The following TNS1 variants were observed in gnomAD, a reference collection of about 807,000 sequenced individuals.
TNS1 encodes the protein tensin-1.
In TNS1, 62 loss-of-function variants were observed where a neutral mutation model predicts 168.6. That is an observed-to-expected ratio of 0.37 (90% confidence interval 0.30 to 0.45). The LOEUF is 0.45. Ranked by LOEUF, TNS1 falls within the 20% of genes least tolerant of loss-of-function variation. The pLI, the probability that TNS1 is intolerant of heterozygous loss-of-function variation, is 1.00. For missense variants in TNS1, 2,240 were observed against 2,339.4 expected, an observed-to-expected ratio of 0.96 and a Z score of 0.88; for synonymous variants, 934 against 933.2, an observed-to-expected ratio of 1.00 and a Z score of -0.02.
In TNS1 at chr2:217,882,293, AG is replaced by A. The variant is rs1950756971; in HGVS notation, c.1312+52del. The A allele has an allele frequency of 1.1e-5, 14 of 1,240,454 alleles. No homozygotes were observed. In the South Asian group the frequency reaches 1.8e-4, roughly 16 times the overall value. The allele number at this position is 1,240,454 out of a possible 1,614,324, so 76.8% of individuals were successfully genotyped here. On this transcript the variant is annotated intron_variant, in intron 17 of 32. Coordinates refer to ENST00000682258, the MANE Select transcript of TNS1 (RefSeq NM_001387777.1). The stretch of plus-strand genomic sequence containing the variant: ...CCAGGGGTGGAAGGGTGCTGGGGAT[AG>A]GGTCAGGATAAAAGGAAGGAGTGAG...
intron 6 of TNS1, among the ~76,000 whole-genome samples, chr2:217,903,386 C>A (rs1270932766): frequency 6.6e-6 from 1 of 152,162 alleles, no homozygotes; most frequent in Non-Finnish European, 1.5e-5. Flanking sequence ...CCGCGTGGAG[C>A]CCCTAGGGAA....
Position 217,995,087 on chromosome 2 carries a change from CAG to C in TNS1, c.34-4033_34-4032del, listed in dbSNP as rs1363875430. ...ATGGGGGTGGGACTTGCAGATGATT[CAG>C]AGAGTGGAATGAATGAGGAGACATC... On this transcript the variant is annotated intron_variant, in intron 1 of 32. Coordinates refer to ENST00000682258, the MANE Select transcript of TNS1 (RefSeq NM_001387777.1). This position sits in a 1 kb window ranked among gnomAD's most constrained non-coding sequence, Gnocchi z 4.1. Among the ~76,000 whole-genome samples, 5 of 152,090 alleles carry C rather than the reference CAG, an allele frequency of 3.3e-5. No individual in the cohort carries two copies. The highest frequency in any genetic ancestry group is 6.6e-5 in the Admixed American group (1 of 15,266).
intron 3 of TNS1, among the ~76,000 whole-genome samples, chr2:217,961,773 T>A (rs1957503190): frequency 6.6e-6 from 1 of 152,122 alleles, no homozygotes; most frequent in Non-Finnish European, 1.5e-5. Context: ...TTTTGCTGAG[T>A]GTGATGATGA....
At chr2:217,901,843 G>C (rs1390880052) in intron 6 of TNS1, 1 of 152,270 alleles carries the variant, frequency 6.6e-6, no homozygotes, top group East Asian at 1.9e-4. Flanking sequence ...AGGATAGGTG[G>C]GTTCCGAGGT....
At chr2:217,904,013 AG>A (rs1953348964) in intron 6 of TNS1, among the ~76,000 whole-genome samples, 1 of 152,156 alleles carries the variant, frequency 6.6e-6, no homozygotes, top group Non-Finnish European at 1.5e-5. Context: ...AGATCCCCAG[AG>A]GGGCACAGTT....
intron 19 of TNS1, chr2:217,841,269 C>T: frequency 8.1e-6 from 8 of 985,078 alleles, no homozygotes; most frequent in Non-Finnish European, 9.6e-6. Context: ...CGATGCCCTG[C>T]AGCCTGGCGT....
At chr2:217,985,892 C>G (rs745811355) in intron 2 of TNS1, among the ~76,000 whole-genome samples, 3 of 152,166 alleles carry the variant, frequency 2.0e-5, no homozygotes, top group Non-Finnish European at 4.4e-5. Flanking sequence ...ACCACAGCTC[C>G]TCTGACTGAG....
intron 7 of TNS1, among the ~76,000 whole-genome samples, chr2:217,899,319 A>G (rs144791423): frequency 5.1e-4 from 77 of 152,294 alleles, no homozygotes; most frequent in African/African-American, 1.5e-3. Flanking sequence ...TCTTGTCCCT[A>G]TGGAAAGCTT....
At chr2:217,855,448 T>C (rs1347840578) in intron 18 of TNS1, among the ~76,000 whole-genome samples, 1 of 152,240 alleles carries the variant, frequency 6.6e-6, no homozygotes, top group African/African-American at 2.4e-5. Context: ...GCTCCTGTTG[T>C]CCCTTGTAGA....
intron 3 of TNS1, among the ~76,000 whole-genome samples, chr2:217,946,603 G>A (rs1349158303): frequency 2.6e-5 from 4 of 152,106 alleles, no homozygotes; most frequent in African/African-American, 9.7e-5. Context: ...GCTTTGCTAG[G>A]ACCCAGGACA....
intron 4 of TNS1, among the ~76,000 whole-genome samples, chr2:217,908,817 G>C (rs1954000983): frequency 6.6e-6 from 1 of 152,066 alleles, no homozygotes; most frequent in Admixed American, 6.5e-5. Context: ...GGGGTTGGGG[G>C]GACAGGGGCC....
At chr2:217,894,962 T>C (rs1952125302) in intron 9 of TNS1, 44 bp downstream of exon 9, 1 of 1,587,062 alleles carries the variant, frequency 6.3e-7, no homozygotes, top group Admixed American at 1.7e-5. Flanking sequence ...GGAGTCCATC[T>C]GTTCTCCTTC....
At chr2:217,936,907 C>A in intron 3 of TNS1, 1 of 456,172 alleles carries the variant, frequency 2.2e-6, no homozygotes, top group Non-Finnish European at 4.4e-6. Context: ...TTTACAGATG[C>A]AGACACTAAG....
At chr2:217,810,858 T>C (rs75252665) in intron 28 of TNS1, among the ~76,000 whole-genome samples, 2,521 of 151,858 alleles carry the variant, frequency 0.017, 77 homozygotes, top group African/African-American at 0.058. Context: ...TATCAAAACA[T>C]CACATTGTAC....
intron 2 of TNS1, among the ~76,000 whole-genome samples, chr2:217,985,067 A>ATT (rs752091228): frequency 2.1e-4 from 29 of 135,682 alleles, no homozygotes; most frequent in African/African-American, 7.6e-4. Flanking sequence ...CCATTATGAG[A>ATT]TTTTTTTTTT....
chr2:217,927,976 G>A (rs1160079209), intron 3 of TNS1, among the ~76,000 whole-genome samples: 1 of 152,182 alleles, frequency 6.6e-6, no homozygotes, highest in Non-Finnish European at 1.5e-5. Context: ...TCCTATCTGT[G>A]GACAGTCCAG....
At position 218,032,567 on chromosome 2, in the gene TNS1, G is replaced by T. The variant is rs1958906503; in HGVS notation, c.156+1253C>A. Among the ~76,000 whole-genome samples the T allele has an allele frequency of 6.6e-6, 1 of 152,182 alleles. No homozygotes were observed. Among genetic ancestry groups the T allele is most frequent in the African/African-American group, 2.4e-5 (1 of 41,442 alleles). On this transcript the variant is annotated intron_variant, in intron 1 of 1. Transcript: ENST00000649572. This position sits in a 1 kb window ranked among gnomAD's most constrained non-coding sequence, Gnocchi z 4.0. ...GGCAGTGGGTGCGCCCTGGCAGGCA[G>T]CCCAGATGTCTGGGTAGCCACTGAC...
chr2:217,883,723 A>G (rs1950899392), intron 16 of TNS1, among the ~76,000 whole-genome samples: 1 of 152,152 alleles, frequency 6.6e-6, no homozygotes, highest in East Asian at 1.9e-4. Flanking sequence ...GACTGTTATC[A>G]TTTACATTCT....
Position 217,966,308 on chromosome 2 carries a change from T to TGCGC in TNS1, c.186+12453_186+12456dup, listed in dbSNP as rs1553621681. Among the ~76,000 whole-genome samples, 622 of 133,644 alleles carry TGCGC rather than the reference T, an allele frequency of 4.7e-3. 7 individuals carry two copies. The highest frequency in any genetic ancestry group is 0.021 in the South Asian group (88 of 4,116). The allele number at this position is 133,644 out of a possible 152,430, so 87.7% of individuals were successfully genotyped here. A position where few individuals can be genotyped will look rare whatever the true frequency, so the allele number is the denominator to read the frequency against. On this transcript the variant is annotated intron_variant, in intron 3 of 32. Transcript: ENST00000682258. ...GTGTGTGTGTGTGTGTGTGTGTGTG[T>TGCGC]GCGCGCGCGCGCGTGTGTAAGGAGA... is the stretch of plus-strand genomic sequence containing the variant.
Sources: allele counts gnomAD v4.1 joint callset (sites outside exome capture counted in the v4.1 genomes callset), GRCh38; gene constraint gnomAD v4.1.1; non-coding constraint Gnocchi (gnomAD v3.1); transcripts MANE v1.5; gene names NCBI Gene and HGNC (gene_info 2026-07-23, HGNC 2026-07-21).